WDR43: variants seen among roughly 807,000 people sequenced by gnomAD.
The protein encoded by WDR43 is WD repeat-containing protein 43.
Under a neutral mutation model 91.4 loss-of-function variants are expected in WDR43, and 13 were observed. The observed-to-expected ratio is 0.14, with a 90% CI of 0.09 to 0.23. The LOEUF (loss-of-function observed/expected upper bound fraction) is 0.23, where lower values mean the gene tolerates loss of function less well. Ranked by LOEUF, WDR43 falls within the 10% of genes least tolerant of loss-of-function variation. The pLI, the probability that WDR43 is intolerant of heterozygous loss-of-function variation, is 1.00. For missense variants in WDR43, 780 were observed against 809.4 expected (o/e 0.96, Z 0.44); for synonymous variants, 331 against 287.9 (o/e 1.15, Z -1.51).
At chr2:28,942,479 TC>T (rs1035552953) in intron 16 of WDR43, 98 bp downstream of exon 16, 1 of 1,312,272 alleles carries the variant, frequency 7.6e-7, no homozygotes, top group Non-Finnish European at 1.1e-6. Flanking sequence ...CATAAGATCT[TC>T]CTTTGGCAAG....
At chr2:28,941,620 G>A in intron 15 of WDR43, 46 bp downstream of exon 15, 1 of 1,387,738 alleles carries the variant, frequency 7.2e-7, no homozygotes, top group African/African-American at 1.4e-5. Context: ...GGACATGGTA[G>A]GAATGGAGAG....
intron 11 of WDR43, among the ~76,000 whole-genome samples, 156 bp from the exon 12 acceptor site, chr2:28,935,365 A>G (rs188830535): frequency 2.0e-4 from 31 of 152,272 alleles, no homozygotes; most frequent in Admixed American, 7.8e-4. Context: ...TACTCCATTC[A>G]GTCCCTCCAA....
In WDR43 at chr2:28,922,800, T is replaced by TTTTTG. The variant is rs1671058736; in HGVS notation, c.850-115_850-114insGTTTT. 34 of 369,716 alleles carry TTTTTG rather than the reference T, an allele frequency of 9.2e-5. No individual in the cohort carries two copies. The South Asian group carries it at 2.3e-3, about 25-fold the overall frequency. 22.9% of individuals were successfully genotyped at this position (369,716 alleles called of 1,614,324 possible). ...TTTTTAAATGGATTCTTGCTGTGTT[T>TTTTTG]TTTTTTTTTTTTTTCTGGTTGTGTA... On this transcript the variant is annotated intron_variant, in intron 6 of 17. Transcript: ENST00000407426.
intron 10 of WDR43, 117 bp from the exon 11 acceptor site, chr2:28,929,462 G>A: frequency 1.1e-6 from 1 of 944,872 alleles, no homozygotes; most frequent in African/African-American, 1.7e-5. Flanking sequence ...GAGCATATTA[G>A]TGTTTTCTAG....
intron 10 of WDR43, among the ~76,000 whole-genome samples, chr2:28,929,014 T>G (rs558824457): frequency 2.0e-5 from 3 of 152,308 alleles, no homozygotes; most frequent in African/African-American, 7.2e-5. Flanking sequence ...ATCATGTTTA[T>G]TTACACATAA....
intron 16 of WDR43, among the ~76,000 whole-genome samples, chr2:28,943,647 C>G (rs1358357801): frequency 2.0e-5 from 3 of 152,044 alleles, no homozygotes; most frequent in Non-Finnish European, 4.4e-5. Context: ...CTGAAAAACC[C>G]GTAGTTCTGT....
chr2:28,926,452 A>G lies in WDR43; in HGVS notation c.1087-16A>G. On this transcript the variant is annotated splice_polypyrimidine_tract_variant and intron_variant, in intron 8 of 17. Transcript: ENST00000407426. ...CTTTCCTCTCATCTTCCCCTTTAAA[A>G]AAAATATATTTTCAGGCTTTAAACT... 3 of 1,516,136 alleles carry G rather than the reference A, an allele frequency of 2.0e-6. No individual in the cohort carries two copies. The highest frequency in any genetic ancestry group is 2.7e-6 in the Non-Finnish European group (3 of 1,127,616). 93.9% of individuals were successfully genotyped at this position (1,516,136 alleles called of 1,614,324 possible). A position where few individuals can be genotyped will look rare whatever the true frequency, so the allele number is the denominator to read the frequency against.
At chr2:28,936,409 A>G (rs1173275839) in intron 12 of WDR43, among the ~76,000 whole-genome samples, 1 of 152,176 alleles carries the variant, frequency 6.6e-6, no homozygotes, top group Non-Finnish European at 1.5e-5. Flanking sequence ...AAAACTCTGT[A>G]CTTAAAAAAG....
chr2:28,908,765 A>G (rs1408883815), intron 3 of WDR43, among the ~76,000 whole-genome samples: 1 of 152,140 alleles, frequency 6.6e-6, no homozygotes, highest in Non-Finnish European at 1.5e-5. Context: ...TCCAGACGCT[A>G]TGTATTGATT....
At chr2:28,934,265 G>A (rs1212969301) in intron 11 of WDR43, among the ~76,000 whole-genome samples, 1 of 152,146 alleles carries the variant, frequency 6.6e-6, no homozygotes, top group Admixed American at 6.5e-5. Context: ...TAGCTGCCTG[G>A]GAATCGGGGT....
rs1010349973 is a variant in WDR43, at chr2:28,913,976, T to C, written c.607-93T>C. 61 of 1,422,178 alleles carry C rather than the reference T, an allele frequency of 4.3e-5. No homozygotes were observed. In the East Asian group the frequency reaches 4.4e-4, roughly 10 times the overall value. The allele number at this position is 1,422,178 out of a possible 1,614,324, so 88.1% of individuals were successfully genotyped here. A position where few individuals can be genotyped will look rare whatever the true frequency, so the allele number is the denominator to read the frequency against. On this transcript the variant is annotated intron_variant, in intron 4 of 17. Coordinates refer to ENST00000407426, the MANE Select transcript of WDR43 (RefSeq NM_015131.3). ...CATCGTGGAGCTCTCCTTTCCGATA[T>C]GTATCACATATGGCTTGTTTTGATA... is the stretch of plus-strand genomic sequence containing the variant.
intron 1 of WDR43, among the ~76,000 whole-genome samples, chr2:28,899,896 G>A (rs1670547855): frequency 6.6e-6 from 1 of 152,182 alleles, no homozygotes; most frequent in South Asian, 2.1e-4. Flanking sequence ...GTTTAGACCA[G>A]TTATCCTTAA....
At chr2:28,913,380 G>T (rs372483425) in intron 4 of WDR43, among the ~76,000 whole-genome samples, 11 of 152,230 alleles carry the variant, frequency 7.2e-5, no homozygotes, top group African/African-American at 2.6e-4. Context: ...GCCCAGGCTG[G>T]ACTGCAGTGA....
chr2:28,924,928 T>G (rs1572594815), intron 7 of WDR43, 54 bp from the exon 8 acceptor site: 1 of 1,570,600 alleles, frequency 6.4e-7, no homozygotes, highest in South Asian at 1.2e-5. Context: ...TCCAGAGAGT[T>G]AGTATGAGAC....
intron 4 of WDR43, among the ~76,000 whole-genome samples, chr2:28,913,298 CTATG>C (rs1410613672): frequency 6.6e-6 from 1 of 151,874 alleles, no homozygotes; most frequent in Non-Finnish European, 1.5e-5. Flanking sequence ...TATACACCAA[CTATG>C]TATCCACAAA....
chr2:28,906,024 GT>G (rs777120130), intron 2 of WDR43, among the ~76,000 whole-genome samples: 37 of 152,080 alleles, frequency 2.4e-4, no homozygotes, highest in Non-Finnish European at 1.5e-4. Flanking sequence ...TTTTAGTTAG[GT>G]TAAGGCCTAA....
intron 9 of WDR43, chr2:28,927,075 A>G (rs763943299): frequency 1.3e-5 from 7 of 519,438 alleles, no homozygotes; most frequent in Non-Finnish European, 2.7e-5. Context: ...ACATGCTATG[A>G]TGACATCCAT....
intron 3 of WDR43, among the ~76,000 whole-genome samples, chr2:28,907,468 A>AG (rs34947681): frequency 0.28 from 34,014 of 119,756 alleles, 6,660 homozygotes; most frequent in East Asian, 0.76. Flanking sequence ...AAAAAAAAAA[A>AG]TTGGGTGTGG....
chr2:28,906,635 C>T, intron 3 of WDR43, 54 bp downstream of exon 3: 2 of 1,572,532 alleles, frequency 1.3e-6, no homozygotes, highest in South Asian at 1.2e-5. Context: ...AAATGCTGGA[C>T]TTGTGGGGAA....
Sources: allele counts gnomAD v4.1 joint callset (sites outside exome capture counted in the v4.1 genomes callset), GRCh38; gene constraint gnomAD v4.1.1; transcripts MANE v1.5; gene names NCBI Gene and HGNC (gene_info 2026-07-23, HGNC 2026-07-21).